Variants in SLC22A4 observed in about 807,000 individuals in gnomAD.
SLC22A4 encodes the protein solute carrier family 22 member 4.
A neutral mutation model predicts 56.6 loss-of-function variants in SLC22A4; 39 were observed. The observed-to-expected ratio is 0.69, with a 90% CI of 0.53 to 0.90. The LOEUF (loss-of-function observed/expected upper bound fraction) is 0.90, where lower values mean the gene tolerates loss of function less well. Ranked by LOEUF, SLC22A4 falls within the 40% of genes least tolerant of loss-of-function variation. The pLI is 0.00. For synonymous variants in SLC22A4, 241 were observed against 281.4 expected (o/e 0.86, Z 1.44); for missense variants, 594 against 696.5 (o/e 0.85, Z 1.66).
intron 9 of SLC22A4, 73 bp from the exon 10 acceptor site, chr5:132,343,687 C>T: frequency 1.1e-6 from 1 of 912,730 alleles, no homozygotes; most frequent in Non-Finnish European, 1.8e-6. Flanking sequence ...TTTTCAATGT[C>T]AATTTGGATG....
chr5:132,331,953 G>C, intron 6 of SLC22A4, 103 bp downstream of exon 6: 2 of 795,890 alleles, frequency 2.5e-6, no homozygotes, highest in South Asian at 2.8e-5. Flanking sequence ...GTTTTCCTGA[G>C]GAAAAATTAA....
chr5:132,295,628 T>C (rs1749762634), intron 1 of SLC22A4: 6 of 253,240 alleles, frequency 2.4e-5, no homozygotes, highest in South Asian at 2.1e-4. Flanking sequence ...CAGGGTGAGT[T>C]GGCAGGCAGG....
In SLC22A4 at chr5:132,337,792, G is replaced by A. The variant is rs555390208; in HGVS notation, c.1444+1792G>A. On this transcript the variant is annotated intron_variant, in intron 8 of 9. Coordinates refer to ENST00000200652, the MANE Select transcript of SLC22A4 (RefSeq NM_003059.3). ...ACTCTGTCACCCAGGCTGGAGTACA[G>A]TGGCGCAATCTCAGCTCACTGCAAC... 6.6e-5 allele frequency among the ~76,000 whole-genome samples: 10 copies of A among 150,412 alleles called. No homozygotes were observed. The East Asian group carries it at 1.6e-3, about 24-fold the overall frequency.
rs150669294 is a variant in SLC22A4, at chr5:132,330,502, G to A, written c.952-1254G>A. Among the ~76,000 whole-genome samples the A allele has an allele frequency of 4.5e-4, 68 of 152,326 alleles. 1 individual carries two copies. In the East Asian group the frequency reaches 0.011, roughly 24 times the overall value. On this transcript the variant is annotated intron_variant, in intron 5 of 9. Coordinates refer to ENST00000200652, the MANE Select transcript of SLC22A4 (RefSeq NM_003059.3). ...GCACTTTGGGAAGCTGAGGTGGATG[G>A]ATCACCTGAAGTCAGGAGTTTGAGA...
intron 3 of SLC22A4, among the ~76,000 whole-genome samples, chr5:132,320,448 T>A (rs1164102202): frequency 6.6e-6 from 1 of 152,112 alleles, no homozygotes; most frequent in Non-Finnish European, 1.5e-5. Context: ...ATTAATGAGG[T>A]CAGAAAAGAC....
At chr5:132,316,751 A>C (rs771722445) in intron 3 of SLC22A4, among the ~76,000 whole-genome samples, 17 of 152,216 alleles carry the variant, frequency 1.1e-4, no homozygotes, top group Non-Finnish European at 2.4e-4. Context: ...CAGGAAGCTC[A>C]GGCAAATTTG....
intron 8 of SLC22A4, among the ~76,000 whole-genome samples, chr5:132,338,833 T>C (rs1370563901): frequency 1.3e-5 from 2 of 152,222 alleles, no homozygotes; most frequent in Non-Finnish European, 1.5e-5. Context: ...CAAACACACA[T>C]GCTCTACAAA....
intron 1 of SLC22A4, among the ~76,000 whole-genome samples, chr5:132,299,530 A>G (rs1045297753): frequency 2.0e-5 from 3 of 152,018 alleles, no homozygotes; most frequent in Admixed American, 2.0e-4. Context: ...CCTTGGTTCA[A>G]GCGATTCTCC....
chr5:132,331,839 T>C lies in SLC22A4; in HGVS notation c.1035T>C (p.Ser345=), dbSNP rs1377663847. ...ATATTGCCATAATGACCATTATGTCTTTGCTGCTATGGTAAGTAATAAGTG... is the reference window on the plus strand; with the variant it reads ...ATATTGCCATAATGACCATTATGTCCTTGCTGCTATGGTAAGTAATAAGTG... The part of the protein sequence containing the change: ...TRNIAIMTIM[S]LLLWMLTSVG... The change falls in exon 6 of 10, where the codon TCT becomes TCC. Residue 345 remains serine, a synonymous_variant. Transcript: ENST00000200652. 6.2e-7 allele frequency: 1 copy of C among 1,600,570 alleles called. No individual in the cohort carries two copies. The highest frequency in any genetic ancestry group is 2.2e-5 in the East Asian group (1 of 44,810).
intron 5 of SLC22A4, 115 bp from the exon 6 acceptor site, chr5:132,331,639 AAG>A: frequency 2.5e-6 from 2 of 792,664 alleles, no homozygotes; most frequent in Non-Finnish European, 4.6e-6. Flanking sequence ...CCAGACTTCT[AAG>A]CATAGTCAAG....
chr5:132,320,398 C>T (rs1170349584), intron 3 of SLC22A4, among the ~76,000 whole-genome samples: 3 of 152,186 alleles, frequency 2.0e-5, no homozygotes, highest in Non-Finnish European at 2.9e-5. Context: ...ATCACAATCA[C>T]GGCCAAGGGG....
chr5:132,336,161 T>C lies in SLC22A4; in HGVS notation c.1444+161T>C, dbSNP rs192698088. ...GAGCTCTAGAAAGCCAATCACAAAC[T>C]GGTGAGTAGCGCTACAGACATTTTG... is the stretch of plus-strand genomic sequence containing the variant. On this transcript the variant is annotated intron_variant, in intron 8 of 9. Coordinates refer to ENST00000200652, the MANE Select transcript of SLC22A4 (RefSeq NM_003059.3). Among the ~76,000 whole-genome samples, 6 of 151,524 alleles carry C rather than the reference T, an allele frequency of 4.0e-5. No individual in the cohort carries two copies. The East Asian group carries it at 1.0e-3, about 26-fold the overall frequency.
intron 1 of SLC22A4, among the ~76,000 whole-genome samples, chr5:132,307,278 T>A (rs1205588338): frequency 1.3e-5 from 2 of 152,200 alleles, no homozygotes; most frequent in African/African-American, 4.8e-5. Context: ...AACTACTACT[T>A]CTTACTTTTC....
In SLC22A4 at chr5:132,325,842, C is replaced by A. The variant is rs528259030; in HGVS notation, c.825-1435C>A. 3.1e-4 allele frequency among the ~76,000 whole-genome samples: 47 copies of A among 152,286 alleles called. No individual in the cohort carries two copies. The South Asian group carries it at 9.5e-3, about 31-fold the overall frequency. On this transcript the variant is annotated intron_variant, in intron 4 of 9. Coordinates refer to ENST00000200652, the MANE Select transcript of SLC22A4 (RefSeq NM_003059.3). ...AGGACCAGCTAAAACACAGCCAGGG[C>A]AGAAGACGCTTTCCATAAGACACGC...
At chr5:132,325,914 G>A (rs975248216) in intron 4 of SLC22A4, among the ~76,000 whole-genome samples, 15 of 152,146 alleles carry the variant, frequency 9.9e-5, no homozygotes, top group African/African-American at 3.6e-4. Flanking sequence ...CAACACTCAG[G>A]CTTTATTGCC....
chr5:132,338,858 A>G (rs186343796), intron 8 of SLC22A4, among the ~76,000 whole-genome samples: 14 of 152,324 alleles, frequency 9.2e-5, no homozygotes, highest in Admixed American at 7.8e-4. Context: ...TTGTGCAGTT[A>G]ACGCAATCAT....
chr5:132,300,153 G>A (rs536080877), intron 1 of SLC22A4, among the ~76,000 whole-genome samples: 5 of 152,222 alleles, frequency 3.3e-5, no homozygotes, highest in Admixed American at 6.5e-5. Context: ...ATTAGATTGC[G>A]TTATGCACTT....
intron 2 of SLC22A4, among the ~76,000 whole-genome samples, chr5:132,312,818 G>C (rs1239901166): frequency 2.0e-5 from 3 of 152,190 alleles, no homozygotes; most frequent in African/African-American, 4.8e-5. Context: ...ACAGGCCCCT[G>C]TATGTGCTGG....
At chr5:132,332,092 T>A in intron 6 of SLC22A4, 1 of 451,514 alleles carries the variant, frequency 2.2e-6, no homozygotes, top group Non-Finnish European at 4.1e-6. Context: ...GGTGGGCAGA[T>A]CACCTGAGGT....
Sources: gnomAD v4.1 joint callset for allele counts (sites outside exome capture counted in the v4.1 genomes callset) on GRCh38, gnomAD v4.1.1 for gene constraint, MANE v1.5 for transcripts, NCBI Gene and HGNC (gene_info 2026-07-23, HGNC 2026-07-21) for gene names.